The following SPOCK3 variants were observed in gnomAD, a reference collection of about 807,000 sequenced individuals.
The protein encoded by SPOCK3 is testican-3.
Under a neutral mutation model 56.6 loss-of-function variants are expected in SPOCK3, and 30 were observed. The ratio of observed to expected loss-of-function variants is 0.53; its 90% CI spans 0.40 to 0.72. The LOEUF (loss-of-function observed/expected upper bound fraction) is 0.72, where lower values mean the gene tolerates loss of function less well. Ranked by LOEUF, SPOCK3 falls within the 30% of genes least tolerant of loss-of-function variation. The pLI, the probability that SPOCK3 is intolerant of heterozygous loss-of-function variation, is 0.00. For synonymous variants in SPOCK3, 196 were observed against 183.3 expected (o/e 1.07, Z -0.56); for missense variants, 527 against 530.0 (o/e 0.99, Z 0.06).
intron 2 of SPOCK3, among the ~76,000 whole-genome samples, chr4:167,231,113 T>C (rs1737132514): frequency 1.3e-5 from 2 of 152,126 alleles, no homozygotes; most frequent in South Asian, 4.1e-4. Flanking sequence ...TGTAAATCAA[T>C]TATATTTACA....
intron 6 of SPOCK3, among the ~76,000 whole-genome samples, chr4:166,859,929 G>A (rs890589902): frequency 3.3e-5 from 5 of 151,940 alleles, no homozygotes; most frequent in African/African-American, 9.7e-5. Flanking sequence ...CAAATGTATC[G>A]GTGACAAGAG....
intron 7 of SPOCK3, among the ~76,000 whole-genome samples, chr4:166,766,761 T>A (rs13113311): frequency 0.33 from 50,063 of 151,874 alleles, 8,389 homozygotes; most frequent in Admixed American, 0.42. Context: ...TCAGAAGGAA[T>A]GGTACCATCT....
intron 2 of SPOCK3, among the ~76,000 whole-genome samples, chr4:167,147,134 C>T (rs1459207353): frequency 6.6e-6 from 1 of 152,020 alleles, no homozygotes; most frequent in Non-Finnish European, 1.5e-5. Context: ...GGGATATCAC[C>T]ACTGATTCCA....
chr4:167,096,700 C>G (rs1263904843), intron 2 of SPOCK3, among the ~76,000 whole-genome samples: 2 of 151,624 alleles, frequency 1.3e-5, no homozygotes, highest in Admixed American at 1.3e-4. Flanking sequence ...CATGAGTATT[C>G]CATATGAGCT....
intron 6 of SPOCK3, among the ~76,000 whole-genome samples, chr4:166,847,647 T>TTGTA (rs369353581): frequency 1.8e-5 from 1 of 55,368 alleles, no homozygotes; most frequent in African/African-American, 5.1e-5. Flanking sequence ...AAATCCTAGT[T>TTGTA]TATATATATA....
At chr4:167,050,169 C>A (rs1189821536) in intron 3 of SPOCK3, among the ~76,000 whole-genome samples, 1 of 152,106 alleles carries the variant, frequency 6.6e-6, no homozygotes, top group Non-Finnish European at 1.5e-5. Context: ...GGCACCAGAT[C>A]TGAAAGGTGA....
chr4:166,973,100 T>C (rs1745565763), intron 4 of SPOCK3, among the ~76,000 whole-genome samples: 1 of 152,098 alleles, frequency 6.6e-6, no homozygotes. Flanking sequence ...GGGGGCAGTT[T>C]CTCCCATGAT....
At chr4:167,002,524 T>G (rs1021192822) in intron 3 of SPOCK3, among the ~76,000 whole-genome samples, 7 of 152,196 alleles carry the variant, frequency 4.6e-5, no homozygotes, top group Non-Finnish European at 1.0e-4. Context: ...CTAAGATAAT[T>G]TTTTAAATAA....
At chr4:166,739,342 G>T (rs1361023312) in intron 9 of SPOCK3, among the ~76,000 whole-genome samples, 10 of 152,084 alleles carry the variant, frequency 6.6e-5, no homozygotes, top group African/African-American at 2.4e-4. Context: ...CCAGGTTCAA[G>T]TGATTCTCCT....
intron 6 of SPOCK3, among the ~76,000 whole-genome samples, chr4:166,868,291 AG>A (rs1367475453): frequency 8.6e-6 from 1 of 116,176 alleles, no homozygotes; most frequent in East Asian, 2.2e-4. Context: ...ACAAAAAAAA[AG>A]AAAAGAAAAG....
At position 166,925,743 on chromosome 4, in the gene SPOCK3, A is replaced by G. The variant is rs117718895; in HGVS notation, c.351-13000T>C. ...GCATAGAATCTCAATCTTGGACTTG[A>G]GAGTGTGAAGAAATTTTAAAAGCAA... On this transcript the variant is annotated intron_variant, in intron 4 of 10. Coordinates refer to ENST00000357545, the MANE Select transcript of SPOCK3 (RefSeq NM_001040159.2). 4.5e-4 allele frequency among the ~76,000 whole-genome samples: 68 copies of G among 152,212 alleles called. 3 individuals carry two copies. In the East Asian group the frequency reaches 0.013, roughly 29 times the overall value.
At chr4:166,940,730 G>C (rs1045175287) in intron 4 of SPOCK3, among the ~76,000 whole-genome samples, 1 of 149,448 alleles carries the variant, frequency 6.7e-6, no homozygotes, top group African/African-American at 2.5e-5. Flanking sequence ...GCACTTGGGA[G>C]ACTTCCTTTA....
At chr4:167,206,405 A>G (rs201807483) in intron 2 of SPOCK3, among the ~76,000 whole-genome samples, 5 of 152,024 alleles carry the variant, frequency 3.3e-5, no homozygotes, top group Admixed American at 6.6e-5. Context: ...AAAATAACAT[A>G]TATGTGTATA....
At chr4:166,737,634 A>T in intron 9 of SPOCK3, 30 bp from the exon 10 acceptor site, 3 of 1,589,254 alleles carry the variant, frequency 1.9e-6, no homozygotes, top group Non-Finnish European at 2.6e-6. Context: ...GCATACAAAC[A>T]CACACATGTA....
intron 4 of SPOCK3, among the ~76,000 whole-genome samples, chr4:166,992,999 A>G (rs1332152238): frequency 6.6e-6 from 1 of 152,004 alleles, no homozygotes; most frequent in Admixed American, 6.6e-5. Flanking sequence ...TAGCTGCTCT[A>G]TTTGCCCTCT....
chr4:167,223,990 A>C (rs1297825928), intron 2 of SPOCK3, among the ~76,000 whole-genome samples: 1 of 152,068 alleles, frequency 6.6e-6, no homozygotes, highest in Non-Finnish European at 1.5e-5. Context: ...ATAGTGAGTC[A>C]AATTTTGAGT....
intron 4 of SPOCK3, among the ~76,000 whole-genome samples, chr4:166,996,818 C>T (rs1748427649): frequency 6.6e-6 from 1 of 152,084 alleles, no homozygotes. Flanking sequence ...AACTATGATT[C>T]ACCTAATCAT....
intron 7 of SPOCK3, among the ~76,000 whole-genome samples, chr4:166,775,563 C>T (rs1472672562): frequency 6.6e-6 from 1 of 152,098 alleles, no homozygotes; most frequent in African/African-American, 2.4e-5. Context: ...TGAAGATCAT[C>T]TGTATATGGC....
intron 6 of SPOCK3, among the ~76,000 whole-genome samples, chr4:166,800,529 C>G (rs552261989): frequency 6.6e-6 from 1 of 152,082 alleles, no homozygotes; most frequent in Admixed American, 6.5e-5. Flanking sequence ...TATTGATGAT[C>G]CTGACCCTAT....
Sources: allele counts gnomAD v4.1 joint callset (sites outside exome capture counted in the v4.1 genomes callset), GRCh38; gene constraint gnomAD v4.1.1; transcripts MANE v1.5; gene names NCBI Gene and HGNC (gene_info 2026-07-23, HGNC 2026-07-21).